The following FAM168A variants were observed in gnomAD, a reference collection of about 807,000 sequenced individuals.
FAM168A encodes the protein protein FAM168A.
A neutral mutation model predicts 28.5 loss-of-function variants in FAM168A; 3 were observed. That is an observed-to-expected ratio of 0.11 (90% CI 0.05 to 0.27). The LOEUF is 0.27. Ranked by LOEUF, FAM168A falls within the 10% of genes least tolerant of loss-of-function variation. The pLI is 1.00. For missense variants in FAM168A, 222 were observed against 311.5 expected, an observed-to-expected ratio of 0.71 and a Z score of 2.16; for synonymous variants, 122 against 124.2, an observed-to-expected ratio of 0.98 and a Z score of 0.12.
intron 1 of FAM168A, among the ~76,000 whole-genome samples, chr11:73,534,608 G>A (rs1331663725): frequency 6.6e-6 from 1 of 151,902 alleles, no homozygotes; most frequent in African/African-American, 2.4e-5. Context: ...TCGTCATGTT[G>A]GCCAGGCTGG....
intron 1 of FAM168A, among the ~76,000 whole-genome samples, chr11:73,552,984 G>C (rs543660984): frequency 6.6e-6 from 1 of 152,118 alleles, no homozygotes; most frequent in Admixed American, 6.6e-5. Context: ...ATCAATAAAG[G>C]ATGCATGACT....
chr11:73,484,779 C>A (rs1439277219), intron 1 of FAM168A, among the ~76,000 whole-genome samples: 1 of 149,748 alleles, frequency 6.7e-6, no homozygotes, highest in East Asian at 2.0e-4. Context: ...GTAGTATTAA[C>A]CTACAGGATC....
At chr11:73,561,699 G>C (rs1943960628) in intron 1 of FAM168A, among the ~76,000 whole-genome samples, 1 of 152,044 alleles carries the variant, frequency 6.6e-6, no homozygotes, top group Non-Finnish European at 1.5e-5. Context: ...TATAAGTAGA[G>C]TCATTCACTT....
intron 1 of FAM168A, among the ~76,000 whole-genome samples, chr11:73,496,089 CAT>C: frequency 6.6e-6 from 1 of 152,222 alleles, no homozygotes; most frequent in Admixed American, 6.5e-5. Flanking sequence ...ACACAACCCG[CAT>C]ACACACAACC....
intron 1 of FAM168A, among the ~76,000 whole-genome samples, chr11:73,512,339 C>G (rs1259956306): frequency 6.6e-6 from 1 of 151,866 alleles, no homozygotes; most frequent in Non-Finnish European, 1.5e-5. Flanking sequence ...AGTAGCTTTC[C>G]CAAGTCCAAA....
chr11:73,558,851 A>T (rs1943920547), intron 1 of FAM168A, among the ~76,000 whole-genome samples: 1 of 152,226 alleles, frequency 6.6e-6, no homozygotes, highest in African/African-American at 2.4e-5. Context: ...TGTTGGTGGG[A>T]ATGTTAAAAT....
chr11:73,507,107 C>T (rs1486241921), intron 1 of FAM168A, among the ~76,000 whole-genome samples: 7 of 152,132 alleles, frequency 4.6e-5, no homozygotes, highest in African/African-American at 1.7e-4. Flanking sequence ...CTGATATTTC[C>T]TGGCTAAATC....
chr11:73,502,101 GA>G (rs374810262), intron 1 of FAM168A, among the ~76,000 whole-genome samples: 599 of 56,522 alleles, frequency 0.011, 4 homozygotes, highest in African/African-American at 0.032. Flanking sequence ...GCTTTGTCTC[GA>G]AAAAAAAAAA....
intron 2 of FAM168A, among the ~76,000 whole-genome samples, chr11:73,457,815 G>C (rs1023003512): frequency 8.2e-5 from 12 of 147,128 alleles, no homozygotes; most frequent in African/African-American, 3.0e-4. Flanking sequence ...ATATACTTTA[G>C]CATAATAAAC....
At position 73,503,869 on chromosome 11, in the gene FAM168A, T is replaced by G. The variant is rs1728495219; in HGVS notation, c.-18-35377A>C. On this transcript the variant is annotated intron_variant, in intron 1 of 7. Transcript: ENST00000356467. ...ACACCACACATCTACAAACATCTGA[T>G]CTTCAACAAAGTTAACAAAAACAAG... is the stretch of plus-strand genomic sequence containing the variant. Among the ~76,000 whole-genome samples, 3 of 152,266 alleles carry G rather than the reference T, an allele frequency of 2.0e-5. No homozygotes were observed. The South Asian group carries it at 6.2e-4, about 32-fold the overall frequency.
intron 1 of FAM168A, among the ~76,000 whole-genome samples, chr11:73,571,996 T>C (rs1944097281): frequency 7.1e-6 from 1 of 140,756 alleles, no homozygotes; most frequent in Non-Finnish European, 1.5e-5. Context: ...GTCTGAGAAG[T>C]GAGGAGACCC....
intron 4 of FAM168A, among the ~76,000 whole-genome samples, chr11:73,416,300 C>T (rs979484939): frequency 2.0e-5 from 3 of 152,186 alleles, no homozygotes; most frequent in Non-Finnish European, 4.4e-5. Flanking sequence ...TTTTCACTGT[C>T]ATAAATCTTT....
At chr11:73,442,996 A>ATATATATATATATG (rs1486968655) in intron 2 of FAM168A, among the ~76,000 whole-genome samples, 1 of 130,374 alleles carries the variant, frequency 7.7e-6, no homozygotes, top group African/African-American at 2.9e-5. Context: ...ATATATATAT[A>ATATATATATATATG]TGCCAAGCCT....
intron 3 of FAM168A, chr11:73,424,953 G>T: frequency 7.7e-7 from 1 of 1,299,286 alleles, no homozygotes; most frequent in Non-Finnish European, 1.0e-6. Flanking sequence ...GAGGAGAGGG[G>T]ATCTACCATT....
intron 2 of FAM168A, among the ~76,000 whole-genome samples, chr11:73,451,833 T>C (rs1214749854): frequency 6.6e-6 from 1 of 152,244 alleles, no homozygotes; most frequent in Non-Finnish European, 1.5e-5. Flanking sequence ...GTATCCCCCT[T>C]GTTAAATAGT....
intron 1 of FAM168A, among the ~76,000 whole-genome samples, chr11:73,471,582 A>C (rs984103514): frequency 1.3e-5 from 2 of 152,010 alleles, no homozygotes; most frequent in Non-Finnish European, 2.9e-5. Context: ...TAAAATCCAA[A>C]CTCTTTCACA....
chr11:73,489,191 T>C (rs930835426), intron 1 of FAM168A, among the ~76,000 whole-genome samples: 2 of 152,190 alleles, frequency 1.3e-5, no homozygotes, highest in African/African-American at 4.8e-5. Flanking sequence ...CCAGCTACCA[T>C]TTCATGTCTC....
chr11:73,480,376 T>C (rs1261319977), intron 1 of FAM168A, among the ~76,000 whole-genome samples: 4 of 146,100 alleles, frequency 2.7e-5, no homozygotes, highest in African/African-American at 7.4e-5. Context: ...TTACAAATAA[T>C]AGAAAATTTC....
At chr11:73,597,371 A>G (rs1469217126) in intron 1 of FAM168A, among the ~76,000 whole-genome samples, 1 of 150,440 alleles carries the variant, frequency 6.6e-6, no homozygotes, top group East Asian at 2.0e-4. Flanking sequence ...CCTCACCCCC[A>G]ACTCCTGCCA....
Sources: allele counts gnomAD v4.1 joint callset (sites outside exome capture counted in the v4.1 genomes callset), GRCh38; gene constraint gnomAD v4.1.1; transcripts MANE v1.5; gene names NCBI Gene and HGNC (gene_info 2026-07-23, HGNC 2026-07-21).